MYOT: variants seen among roughly 807,000 people sequenced by gnomAD.
MYOT encodes 57 kDa cytoskeletal protein.
Under a neutral mutation model 58.0 loss-of-function variants are expected in MYOT, and 36 were observed. The observed-to-expected ratio is 0.62, with a 90% CI of 0.48 to 0.82. The LOEUF is 0.82. Ranked by LOEUF, MYOT falls within the 40% of genes least tolerant of loss-of-function variation. MYOT has a pLI of 0.00. For missense variants in MYOT, 505 were observed against 592.1 expected (o/e 0.85, Z 1.53); for synonymous variants, 218 against 204.6 (o/e 1.07, Z -0.56).
chr5:137,870,214 G>A (rs1414208118), intron 1 of MYOT, among the ~76,000 whole-genome samples: 1 of 151,450 alleles, frequency 6.6e-6, no homozygotes, highest in Admixed American at 6.6e-5. Flanking sequence ...TCTGGAGGGT[G>A]CAGTGGAAGG....
intron 8 of MYOT, 75 bp from the exon 9 acceptor site, chr5:137,886,789 C>A: frequency 9.3e-7 from 1 of 1,077,094 alleles, no homozygotes; most frequent in Non-Finnish European, 1.4e-6. Flanking sequence ...TCTTCCTAGT[C>A]TGACTGTTGG....
chr5:137,875,500 T>C (rs1156974437), intron 2 of MYOT, among the ~76,000 whole-genome samples: 1 of 152,142 alleles, frequency 6.6e-6, no homozygotes, highest in Non-Finnish European at 1.5e-5. Flanking sequence ...AAAAAAATTT[T>C]ATTAAAGAAA....
At chr5:137,877,898 AC>A (rs1431791836) in intron 4 of MYOT, among the ~76,000 whole-genome samples, 1 of 152,166 alleles carries the variant, frequency 6.6e-6, no homozygotes, top group African/African-American at 2.4e-5. Context: ...GGTCAGTTAG[AC>A]CTAGGACTCT....
intron 2 of MYOT, among the ~76,000 whole-genome samples, chr5:137,873,645 C>A (rs1007342421): frequency 6.6e-6 from 1 of 151,772 alleles, no homozygotes; most frequent in Non-Finnish European, 1.5e-5. Flanking sequence ...GGAATTCAAT[C>A]TTTAAAAAAA....
Position 137,870,855 on chromosome 5 carries a change from T to C in MYOT, c.204T>C (p.Ala68=), listed in dbSNP as rs754969491. 2.5e-6 allele frequency: 4 copies of C among 1,614,042 alleles called. No homozygotes were observed. In the African/African-American group the frequency reaches 5.3e-5, roughly 22 times the overall value. Reference sequence around the variant, plus strand: ...CTCACATCACCATGTCCTCCTCTGCTTTCCCTGCTTCTCCCCAGCAGCATG... The same window carrying C: ...CTCACATCACCATGTCCTCCTCTGCCTTCCCTGCTTCTCCCCAGCAGCATG... The part of the protein sequence containing the change: ...LSSHITMSSS[A]FPASPQQHAG... Residue 68 remains alanine (A), a synonymous_variant, in exon 2 of 10, where the codon GCT becomes GCC. Transcript: ENST00000239926.
chr5:137,885,998 T>A, intron 7 of MYOT, 50 bp from the exon 8 acceptor site: 1 of 1,274,958 alleles, frequency 7.8e-7, no homozygotes, highest in South Asian at 1.3e-5. Flanking sequence ...TTTGATTTAA[T>A]ACCTTTTTTA....
chr5:137,880,628 T>A, intron 4 of MYOT, 188 bp from the exon 5 acceptor site: 2 of 539,574 alleles, frequency 3.7e-6, no homozygotes. Flanking sequence ...AATTCTGGGC[T>A]TCTTGCTAGA....
chr5:137,881,651 C>T (rs1358447570), intron 5 of MYOT, among the ~76,000 whole-genome samples: 2 of 152,182 alleles, frequency 1.3e-5, no homozygotes, highest in Non-Finnish European at 2.9e-5. Context: ...TACATGTTCA[C>T]ACCACCACTA....
At position 137,886,918 on chromosome 5, in the gene MYOT, G is replaced by C; in HGVS notation, c.1245G>C (p.Lys415Asn). The C allele has an allele frequency of 6.2e-7, 1 of 1,601,596 alleles. No homozygotes were observed. Among genetic ancestry groups the C allele is most frequent in the Non-Finnish European group, 8.6e-7 (1 of 1,168,634 alleles). ...CTTTACTGATAAAAGATGTAAACAAGAAAGATGCTGGGTGGTATACTGTGT... is the reference window on the plus strand; with the variant it reads ...CTTTACTGATAAAAGATGTAAACAACAAAGATGCTGGGTGGTATACTGTGT... The part of the protein sequence containing the change: ...RVTLLIKDVN[K>N]KDAGWYTVSA... The change falls in exon 9 of 10, where the codon AAG becomes AAC. Residue 415 changes from lysine to asparagine, a missense_variant. By Grantham distance (94) the Lys-to-Asn change is moderately conservative. Transcript: ENST00000239926.
In MYOT at chr5:137,877,552, A is replaced by G; in HGVS notation, c.564A>G (p.Arg188=). 6.2e-7 allele frequency: 1 copy of G among 1,613,946 alleles called. No individual in the cohort carries two copies. Among genetic ancestry groups the G allele is most frequent in the South Asian group, 1.1e-5 (1 of 91,078 alleles). The change falls in exon 4 of 10, where the codon AGA becomes AGG. Residue 188 remains arginine (R), a synonymous_variant. Coordinates refer to ENST00000239926, the MANE Select transcript of MYOT (RefSeq NM_006790.3). Reference sequence around the variant, plus strand: ...CATATGAAGAGAAGATGGCTCGCAGATTGCTAGGACCACAGAATGCAGCTG... The same window carrying G: ...CATATGAAGAGAAGATGGCTCGCAGGTTGCTAGGACCACAGAATGCAGCTG... ...RLTYEEKMAR[R]LLGPQNAAAV... is the part of the protein sequence containing the mutation.
chr5:137,876,086 T>A, intron 3 of MYOT, 83 bp downstream of exon 3: 1 of 1,342,256 alleles, frequency 7.5e-7, no homozygotes, highest in Non-Finnish European at 1.1e-6. Context: ...CTCACAGATC[T>A]AGGTCCATAT....
intron 7 of MYOT, 113 bp from the exon 8 acceptor site, chr5:137,885,935 G>C (rs1755586571): frequency 1.5e-6 from 1 of 670,834 alleles, no homozygotes. Context: ...TCTTTCTGTT[G>C]CTGTTGCTTT....
At chr5:137,886,781 T>C in intron 8 of MYOT, 83 bp from the exon 9 acceptor site, 1 of 1,017,840 alleles carries the variant, frequency 9.8e-7, no homozygotes, top group South Asian at 1.4e-5. Context: ...TGTTTTTTTC[T>C]TCCTAGTCTG....
At chr5:137,877,487 A>C (rs1368672072) in intron 3 of MYOT, 33 bp from the exon 4 acceptor site, 2 of 1,460,226 alleles carry the variant, frequency 1.4e-6, no homozygotes, top group African/African-American at 2.8e-5. Context: ...TCTTTTATTA[A>C]ATCTAATTAC....
At chr5:137,881,863 C>G in intron 5 of MYOT, 110 bp from the exon 6 acceptor site, 1 of 1,164,622 alleles carries the variant, frequency 8.6e-7, no homozygotes, top group Non-Finnish European at 1.3e-6. Context: ...GCCTGGGCAA[C>G]AAGAGTGAAA....
At chr5:137,885,313 A>AT (rs930464726) in intron 7 of MYOT, among the ~76,000 whole-genome samples, 119 of 150,762 alleles carry the variant, frequency 7.9e-4, no homozygotes, top group African/African-American at 2.6e-3. Context: ...TACTACCGGG[A>AT]TTTTTTTTTT....
intron 1 of MYOT, among the ~76,000 whole-genome samples, chr5:137,868,796 T>C (rs530379351): frequency 2.3e-4 from 34 of 145,546 alleles, no homozygotes; most frequent in African/African-American, 8.8e-4. Flanking sequence ...ACAAAACTAC[T>C]TGCCTTGAAA....
chr5:137,883,551 A>G lies in MYOT; in HGVS notation c.984A>G (p.Arg328=), dbSNP rs1755505722. 6.2e-7 allele frequency: 1 copy of G among 1,614,200 alleles called. No homozygotes were observed. The highest frequency in any genetic ancestry group is 1.3e-5 in the African/African-American group (1 of 75,060). ...CTTATGCATGTGTTGCCAAGAATAG[A>G]GCAGGAGAAGCCACCTTCACTGTGC... is the stretch of plus-strand genomic sequence containing the variant. ...AGAYACVAKN[R]AGEATFTVQL... is the part of the protein sequence containing the mutation. Residue 328 remains arginine, a synonymous_variant, in exon 7 of 10, where the codon AGA becomes AGG. Transcript: ENST00000239926.
At chr5:137,885,632 G>A (rs917848808) in intron 7 of MYOT, among the ~76,000 whole-genome samples, 1 of 151,626 alleles carries the variant, frequency 6.6e-6, no homozygotes, top group African/African-American at 2.4e-5. Context: ...AAAATTAGTT[G>A]GGTGTGGTGC....
Sources: gnomAD v4.1 joint callset for allele counts (sites outside exome capture counted in the v4.1 genomes callset) on GRCh38, gnomAD v4.1.1 for gene constraint, MANE v1.5 for transcripts, NCBI Gene and HGNC (gene_info 2026-07-23, HGNC 2026-07-21) for gene names.